The following CTTNBP2NL variants were observed in gnomAD, a reference collection of about 807,000 sequenced individuals.
CTTNBP2NL encodes the protein CTTNBP2 N-terminal like.
CTTNBP2NL carries 16 observed loss-of-function variants against 32.5 expected under a neutral mutation model. That is an observed-to-expected ratio of 0.49 (90% confidence interval 0.33 to 0.75). The LOEUF is 0.75. CTTNBP2NL is among the 30% of genes least tolerant of loss of function. CTTNBP2NL has a pLI of 0.02. For missense variants in CTTNBP2NL, 645 were observed against 756.0 expected, an observed-to-expected ratio of 0.85 and a Z score of 1.72; for synonymous variants, 298 against 289.4, an observed-to-expected ratio of 1.03 and a Z score of -0.30.
chr1:112,442,643 G>C (rs1649928429), intron 3 of CTTNBP2NL, among the ~76,000 whole-genome samples: 1 of 151,350 alleles, frequency 6.6e-6, no homozygotes, highest in African/African-American at 2.4e-5. Context: ...CATTTCACAG[G>C]ACTCTGGAAT....
chr1:112,448,932 T>C lies in CTTNBP2NL; in HGVS notation c.100-10T>C, dbSNP rs900783734. ...AAAGCAAGATGCTTATTTTTTTTCC[T>C]CTTTCCCAGGCCCAACACAGAGATA... On this transcript the variant is annotated splice_polypyrimidine_tract_variant and intron_variant, in intron 3 of 5. Transcript: ENST00000271277. 15 of 1,547,586 alleles carry C rather than the reference T, an allele frequency of 9.7e-6. No individual in the cohort carries two copies. Among genetic ancestry groups the C allele is most frequent in the Non-Finnish European group, 1.3e-5 (15 of 1,122,554 alleles).
chr1:112,418,635 C>T (rs935900591), intron 3 of CTTNBP2NL, among the ~76,000 whole-genome samples: 5 of 151,776 alleles, frequency 3.3e-5, no homozygotes, highest in African/African-American at 1.2e-4. Context: ...ATAAGAACAC[C>T]AAAGGAATAC....
At chr1:112,405,170 A>C (rs1389012745) in intron 1 of CTTNBP2NL, among the ~76,000 whole-genome samples, 1 of 152,256 alleles carries the variant, frequency 6.6e-6, no homozygotes. Flanking sequence ...TAAAAAATTT[A>C]TTAATATAAA....
upstream of CTTNBP2NL, among the ~76,000 whole-genome samples, chr1:112,395,713 C>A (rs1648297303): frequency 7.0e-6 from 1 of 143,778 alleles, no homozygotes. Flanking sequence ...ACCACGCCCA[C>A]AGGCGCTTCC....
intron 1 of CTTNBP2NL, among the ~76,000 whole-genome samples, chr1:112,409,031 G>A (rs1298950899): frequency 2.6e-5 from 4 of 151,436 alleles, no homozygotes; most frequent in Admixed American, 2.0e-4. Flanking sequence ...AGGAGGCTGA[G>A]GCAGGAGAAT....
intron 1 of CTTNBP2NL, among the ~76,000 whole-genome samples, chr1:112,405,227 T>G (rs1245471034): frequency 6.6e-6 from 1 of 152,218 alleles, no homozygotes; most frequent in African/African-American, 2.4e-5. Flanking sequence ...GCTTAACTAA[T>G]GTAGTTCTAG....
chr1:112,448,915 A>G lies in CTTNBP2NL; in HGVS notation c.100-27A>G, dbSNP rs572204273. The stretch of plus-strand genomic sequence containing the variant: ...TTCCTCAGTAGTTTTAAAAAGCAAG[A>G]TGCTTATTTTTTTTCCTCTTTCCCA... On this transcript the variant is annotated intron_variant, in intron 3 of 5. Transcript: ENST00000271277. 5.9e-6 allele frequency: 8 copies of G among 1,345,564 alleles called. No homozygotes were observed. In the African/African-American group the frequency reaches 1.0e-4, roughly 17 times the overall value. The allele number at this position is 1,345,564 out of a possible 1,614,324, so 83.4% of individuals were successfully genotyped here.
At chr1:112,414,191 C>T (rs1003326068) in intron 2 of CTTNBP2NL, among the ~76,000 whole-genome samples, 2 of 152,138 alleles carry the variant, frequency 1.3e-5, no homozygotes, top group African/African-American at 4.8e-5. Context: ...CATGGTGAAA[C>T]CCCGTCTCTA....
chr1:112,391,990 C>CAATAAATAAATAAATA (rs140750530), upstream of CTTNBP2NL, among the ~76,000 whole-genome samples: 3,628 of 149,132 alleles, frequency 0.024, 174 homozygotes, highest in African/African-American at 0.086. Flanking sequence ...GACCCTGTCT[C>CAATAAATAAATAAATA]AATAAATAAA....
intron 3 of CTTNBP2NL, among the ~76,000 whole-genome samples, chr1:112,427,416 A>G (rs1649434535): frequency 6.6e-6 from 1 of 152,200 alleles, no homozygotes; most frequent in African/African-American, 2.4e-5. Context: ...GGGTAAAAAA[A>G]TTCAGGGTTT....
intron 2 of CTTNBP2NL, chr1:112,415,885 G>T: frequency 2.9e-6 from 1 of 339,616 alleles, no homozygotes; most frequent in South Asian, 2.7e-5. Flanking sequence ...AGATTTCCTA[G>T]GATATTTGTT....
chr1:112,426,856 T>G (rs1649422126), intron 3 of CTTNBP2NL, among the ~76,000 whole-genome samples: 2 of 152,128 alleles, frequency 1.3e-5, no homozygotes, highest in South Asian at 4.2e-4. Flanking sequence ...TCTGCCCACT[T>G]CAGCCTCCCA....
intron 3 of CTTNBP2NL, among the ~76,000 whole-genome samples, chr1:112,444,431 G>A (rs1649978644): frequency 6.6e-6 from 1 of 152,198 alleles, no homozygotes; most frequent in Admixed American, 6.5e-5. Flanking sequence ...TTGATTTTAA[G>A]CTTTCAGTAG....
In CTTNBP2NL at chr1:112,448,933, C is replaced by T. The variant is rs1386506944; in HGVS notation, c.100-9C>T. 1.6e-5 allele frequency: 24 copies of T among 1,546,162 alleles called. No individual in the cohort carries two copies. Among genetic ancestry groups the T allele is most frequent in the Admixed American group, 8.8e-5 (5 of 57,058 alleles). On this transcript the variant is annotated splice_polypyrimidine_tract_variant and intron_variant, in intron 3 of 5. Coordinates refer to ENST00000271277, the MANE Select transcript of CTTNBP2NL (RefSeq NM_018704.3). ...AAGCAAGATGCTTATTTTTTTTCCT[C>T]TTTCCCAGGCCCAACACAGAGATAC...
intron 3 of CTTNBP2NL, among the ~76,000 whole-genome samples, chr1:112,423,586 G>T (rs1166558228): frequency 3.3e-5 from 5 of 152,042 alleles, no homozygotes; most frequent in Non-Finnish European, 7.4e-5. Context: ...AAAAAGAAAA[G>T]ATACTTAAGT....
Position 112,447,650 on chromosome 1 carries a change from A to T in CTTNBP2NL, c.100-1292A>T, listed in dbSNP as rs550028077. On this transcript the variant is annotated intron_variant, in intron 3 of 5. Transcript: ENST00000271277. Reference sequence around the variant, plus strand: ...TTCAGCACTGAAATACTTCTGTGTTAAAAAAAAAACCCATGTTTGCTTTAT... The same window carrying T: ...TTCAGCACTGAAATACTTCTGTGTTTAAAAAAAAACCCATGTTTGCTTTAT... Among the ~76,000 whole-genome samples, 5 of 122,822 alleles carry T rather than the reference A, an allele frequency of 4.1e-5. No homozygotes were observed. In the East Asian group the frequency reaches 7.9e-4, roughly 19 times the overall value. The allele number at this position is 122,822 out of a possible 152,430, so 80.6% of individuals were successfully genotyped here. A position where few individuals can be genotyped will look rare whatever the true frequency, so the allele number is the denominator to read the frequency against.
chr1:112,407,281 G>A (rs1648695738), intron 1 of CTTNBP2NL, among the ~76,000 whole-genome samples: 1 of 152,178 alleles, frequency 6.6e-6, no homozygotes, highest in Admixed American at 6.5e-5. Context: ...AACATGTTGT[G>A]TGAGTTTGCT....
chr1:112,415,596 G>A (rs574990520), intron 2 of CTTNBP2NL, among the ~76,000 whole-genome samples: 14 of 145,848 alleles, frequency 9.6e-5, no homozygotes, highest in African/African-American at 2.3e-4. Context: ...TCACTCTGTC[G>A]CCCAGGCTGG....
At chr1:112,392,695 TAGAG>T (rs905944196), upstream of CTTNBP2NL, among the ~76,000 whole-genome samples, 5 of 151,908 alleles carry the variant, frequency 3.3e-5, no homozygotes, top group Non-Finnish European at 7.4e-5. Flanking sequence ...CGCTGAGACA[TAGAG>T]AGAAGGCCAT....
Sources: gnomAD v4.1 joint callset for allele counts (sites outside exome capture counted in the v4.1 genomes callset) on GRCh38, gnomAD v4.1.1 for gene constraint, MANE v1.5 for transcripts, NCBI Gene and HGNC (gene_info 2026-07-23, HGNC 2026-07-21) for gene names.